The following STK32B variants were observed in gnomAD, a reference collection of about 807,000 sequenced individuals.
The protein encoded by STK32B is serine/threonine-protein kinase 32B.
STK32B carries 43 observed loss-of-function variants against 52.6 expected under a neutral mutation model. The observed-to-expected ratio is 0.82, with a 90% CI of 0.64 to 1.05. The LOEUF (loss-of-function observed/expected upper bound fraction) is 1.05. STK32B is among the 50% of genes least tolerant of loss of function. The pLI is 0.00. For synonymous variants in STK32B, 238 were observed against 204.3 expected, an observed-to-expected ratio of 1.17 and a Z score of -1.41; for missense variants, 621 against 534.6, an observed-to-expected ratio of 1.16 and a Z score of -1.59.
At chr4:5,351,362 C>T (rs530223470) in intron 4 of STK32B, among the ~76,000 whole-genome samples, 21 of 152,096 alleles carry the variant, frequency 1.4e-4, no homozygotes, top group African/African-American at 4.8e-4. Context: ...CCCTGAATAA[C>T]CACTAGTTCA....
chr4:5,236,284 A>G (rs764479653), intron 3 of STK32B, among the ~76,000 whole-genome samples: 7 of 152,244 alleles, frequency 4.6e-5, no homozygotes, highest in African/African-American at 4.8e-5. Flanking sequence ...AAGACCTACA[A>G]TCAAGCCTCC....
chr4:5,455,941 G>A (rs1410145008), intron 7 of STK32B, among the ~76,000 whole-genome samples: 1 of 152,118 alleles, frequency 6.6e-6, no homozygotes, highest in African/African-American at 2.4e-5. Flanking sequence ...ACGTGCCAGG[G>A]AAACTGTTGT....
intron 1 of STK32B, among the ~76,000 whole-genome samples, chr4:5,055,793 A>G (rs1325368599): frequency 6.6e-6 from 1 of 151,908 alleles, no homozygotes; most frequent in Non-Finnish European, 1.5e-5. Flanking sequence ...GTCTCCAGGA[A>G]AATGTTGTTG....
At chr4:5,199,220 G>A (rs892891813) in intron 3 of STK32B, among the ~76,000 whole-genome samples, 5 of 152,142 alleles carry the variant, frequency 3.3e-5, no homozygotes, top group African/African-American at 1.2e-4. Context: ...GAACATGCAC[G>A]GTGGTTGTTT....
At chr4:5,307,937 G>A (rs1381858082) in intron 3 of STK32B, among the ~76,000 whole-genome samples, 1 of 149,608 alleles carries the variant, frequency 6.7e-6, no homozygotes, top group Non-Finnish European at 1.5e-5. Flanking sequence ...CAGGCTCTGG[G>A]CTGGTACTGG....
intron 4 of STK32B, among the ~76,000 whole-genome samples, chr4:5,337,877 C>G (rs1288433682): frequency 1.3e-5 from 2 of 152,144 alleles, no homozygotes; most frequent in Non-Finnish European, 2.9e-5. Context: ...CAATTATACT[C>G]TATTGAGAAA....
chr4:5,132,709 A>C (rs1416426965), intron 1 of STK32B, among the ~76,000 whole-genome samples: 1 of 152,162 alleles, frequency 6.6e-6, no homozygotes, highest in Non-Finnish European at 1.5e-5. Flanking sequence ...AATTGATATT[A>C]TTTAACCTAC....
chr4:5,321,542 C>A (rs570780487), intron 3 of STK32B, among the ~76,000 whole-genome samples: 1 of 152,168 alleles, frequency 6.6e-6, no homozygotes, highest in Admixed American at 6.5e-5. Context: ...TGTCTGTCCC[C>A]GTGAACAGTA....
At chr4:5,479,983 C>A (rs1378135975) in intron 11 of STK32B, among the ~76,000 whole-genome samples, 1 of 152,172 alleles carries the variant, frequency 6.6e-6, no homozygotes, top group African/African-American at 2.4e-5. Flanking sequence ...CTTCAAACTA[C>A]TGCCTCAGCT....
At chr4:5,446,866 G>GTGCTCCTTCC in intron 7 of STK32B, 90 bp downstream of exon 7, 1 of 1,277,282 alleles carries the variant, frequency 7.8e-7, no homozygotes, top group Non-Finnish European at 1.1e-6. Context: ...AGGGCCCGCG[G>GTGCTCCTTCC]TGCAGGAAGG....
chr4:5,032,248 C>T, the STK32B span, among the ~76,000 whole-genome samples: 19 of 150,480 alleles, frequency 1.3e-4, 1 homozygote, highest in Admixed American at 6.6e-4. Context: ...CCAAGACGGG[C>T]GGATCACTTG....
In STK32B at chr4:5,470,540, C is replaced by T. The variant is rs1436340125; in HGVS notation, c.1106+2470C>T. The stretch of plus-strand genomic sequence containing the variant: ...CCCTGATGGCTGATAGGCTTCCTGT[C>T]ACAGCAGGCGTGCAGGCTTACTGCC... On this transcript the variant is annotated intron_variant, in intron 11 of 11. Transcript: ENST00000282908. This position sits in a 1 kb window ranked among gnomAD's most constrained non-coding sequence, Gnocchi z 4.6. Among the ~76,000 whole-genome samples, 1 of 152,094 alleles carries T rather than the reference C, an allele frequency of 6.6e-6. No homozygotes were observed. Among genetic ancestry groups the T allele is most frequent in the Non-Finnish European group, 1.5e-5 (1 of 68,018 alleles).
chr4:5,457,917 G>GAGGA (rs1211577042), intron 8 of STK32B, among the ~76,000 whole-genome samples: 6 of 146,008 alleles, frequency 4.1e-5, no homozygotes, highest in African/African-American at 1.5e-4. Flanking sequence ...TGGAGGGAGA[G>GAGGA]AGGAAGGAAG....
At chr4:5,115,970 T>G (rs1343892698) in intron 1 of STK32B, among the ~76,000 whole-genome samples, 1 of 152,190 alleles carries the variant, frequency 6.6e-6, no homozygotes, top group Non-Finnish European at 1.5e-5. Context: ...TGTAAGAATG[T>G]AAATCTTCTG....
chr4:5,496,068 C>T (rs998372300), intron 11 of STK32B, among the ~76,000 whole-genome samples: 2 of 152,234 alleles, frequency 1.3e-5, no homozygotes, highest in Admixed American at 1.3e-4. Context: ...GTTCTCAGAT[C>T]TCCAGCTGCA....
chr4:5,289,919 G>T (rs1281464392), intron 3 of STK32B, among the ~76,000 whole-genome samples: 2 of 151,856 alleles, frequency 1.3e-5, no homozygotes, highest in African/African-American at 2.4e-5. Flanking sequence ...TAGGTAAATT[G>T]TGTGTCATGA....
In STK32B at chr4:5,467,884, T is replaced by C; in HGVS notation, c.1042-122T>C. The C allele has an allele frequency of 9.0e-7, 1 of 1,105,386 alleles. No homozygotes were observed. Among genetic ancestry groups the C allele is most frequent in the South Asian group, 1.4e-5 (1 of 73,652 alleles). 68.5% of individuals were successfully genotyped at this position (1,105,386 alleles called of 1,614,324 possible). A position where few individuals can be genotyped will look rare whatever the true frequency, so the allele number is the denominator to read the frequency against. On this transcript the variant is annotated intron_variant, in intron 10 of 11. Transcript: ENST00000282908. This position sits in a 1 kb window ranked among gnomAD's most constrained non-coding sequence, Gnocchi z 5.8. ...TCAGCCCCAGACACTTAGCTTGGCT[T>C]GTCCCGGTCCCAAGCATCTGAGGTT... is the stretch of plus-strand genomic sequence containing the variant.
chr4:5,182,418 A>G (rs1720431434), intron 3 of STK32B, among the ~76,000 whole-genome samples: 1 of 152,142 alleles, frequency 6.6e-6, no homozygotes, highest in South Asian at 2.1e-4. Context: ...CAGCAGAATC[A>G]TGATCACTGG....
chr4:5,349,098 A>G (rs1488687136), intron 4 of STK32B, among the ~76,000 whole-genome samples: 1 of 145,892 alleles, frequency 6.9e-6, no homozygotes, highest in Admixed American at 6.7e-5. Flanking sequence ...GCTACTCAGG[A>G]GCTTGAGAAC....
Sources: allele counts gnomAD v4.1 joint callset (sites outside exome capture counted in the v4.1 genomes callset), GRCh38; gene constraint gnomAD v4.1.1; non-coding constraint Gnocchi (gnomAD v3.1); transcripts MANE v1.5; gene names NCBI Gene and HGNC (gene_info 2026-07-23, HGNC 2026-07-21).